SEZ6L: variants seen among roughly 807,000 people sequenced by gnomAD.
The protein encoded by SEZ6L is seizure related 6 homolog like.
In SEZ6L, 37 loss-of-function variants were observed where a neutral mutation model predicts 106.2. The ratio of observed to expected loss-of-function variants is 0.35; its 90% CI spans 0.27 to 0.46. SEZ6L has a LOEUF of 0.46. SEZ6L is among the 20% of genes least tolerant of loss of function. The pLI is 1.00. For synonymous variants in SEZ6L, 541 were observed against 570.4 expected (o/e 0.95, Z 0.73); for missense variants, 1,172 against 1,332.8 (o/e 0.88, Z 1.88).
At chr22:26,206,081 C>G (rs79459017) in intron 1 of SEZ6L, among the ~76,000 whole-genome samples, 1 of 152,238 alleles carries the variant, frequency 6.6e-6, no homozygotes, top group African/African-American at 2.4e-5. Flanking sequence ...AACTCCTTCA[C>G]TCTACAAACA....
intron 13 of SEZ6L, among the ~76,000 whole-genome samples, 178 bp downstream of exon 13, chr22:26,365,744 C>G (rs542592223): frequency 6.6e-6 from 1 of 151,954 alleles, no homozygotes; most frequent in African/African-American, 2.4e-5. Flanking sequence ...CATGGCGGCA[C>G]ACACCTGTAG....
chr22:26,374,504 GTC>G (rs2084151019), intron 14 of SEZ6L, among the ~76,000 whole-genome samples: 1 of 152,206 alleles, frequency 6.6e-6, no homozygotes, highest in Non-Finnish European at 1.5e-5. Flanking sequence ...CTTCGTGTTA[GTC>G]TCCATTCAGA....
At chr22:26,256,267 A>C (rs2145806770) in intron 1 of SEZ6L, among the ~76,000 whole-genome samples, 1 of 152,314 alleles carries the variant, frequency 6.6e-6, no homozygotes, top group East Asian at 1.9e-4. Context: ...ATAACAAAGG[A>C]ATATGGGTAC....
chr22:26,314,190 G>A (rs1287598025), intron 9 of SEZ6L, among the ~76,000 whole-genome samples: 5 of 151,976 alleles, frequency 3.3e-5, no homozygotes, highest in Non-Finnish European at 7.4e-5. Flanking sequence ...ACAAATAATT[G>A]CATACTCTAA....
chr22:26,366,590 C>T (rs1442779099), intron 13 of SEZ6L, among the ~76,000 whole-genome samples: 1 of 151,950 alleles, frequency 6.6e-6, no homozygotes, highest in East Asian at 1.9e-4. Context: ...TGCCTGTAGT[C>T]CCAGCTACTT....
intron 1 of SEZ6L, among the ~76,000 whole-genome samples, chr22:26,204,220 A>C (rs1367474317): frequency 6.6e-6 from 1 of 152,208 alleles, no homozygotes; most frequent in East Asian, 1.9e-4. Flanking sequence ...AGAAAGGTAC[A>C]ATACAGACAT....
chr22:26,355,198 G>A (rs557065155), intron 12 of SEZ6L, among the ~76,000 whole-genome samples: 3 of 152,344 alleles, frequency 2.0e-5, no homozygotes, highest in Admixed American at 6.5e-5. Context: ...CACGGAAATC[G>A]CACAGGTGAA....
intron 1 of SEZ6L, among the ~76,000 whole-genome samples, chr22:26,243,266 A>G (rs2079199798): frequency 6.6e-6 from 1 of 152,234 alleles, no homozygotes; most frequent in Admixed American, 6.5e-5. Context: ...AATTTGACCC[A>G]CCACAAGGAT....
intron 1 of SEZ6L, among the ~76,000 whole-genome samples, chr22:26,250,128 CTGTTGAT>C (rs542510678): frequency 1.2e-4 from 18 of 152,146 alleles, no homozygotes; most frequent in Non-Finnish European, 2.2e-4. Context: ...TCTCTTCACT[CTGTTGAT>C]TGTTTTCTTT....
chr22:26,267,896 C>T (rs2080241008), intron 1 of SEZ6L, among the ~76,000 whole-genome samples: 1 of 152,140 alleles, frequency 6.6e-6, no homozygotes, highest in African/African-American at 2.4e-5. Flanking sequence ...TCAGGATGTG[C>T]TGAAGACCAA....
chr22:26,191,026 C>T (rs531863986), intron 1 of SEZ6L, among the ~76,000 whole-genome samples: 10 of 152,216 alleles, frequency 6.6e-5, no homozygotes, highest in African/African-American at 2.2e-4. Flanking sequence ...GAAAAAGATA[C>T]GGGGTGTGGC....
rs367558456 is a variant in SEZ6L at position 26,293,098 on chromosome 22, A to G, written c.787A>G (p.Thr263Ala). Residue 263 changes from threonine (T) to alanine (A), a missense_variant, in exon 2 of 17, where the codon ACC becomes GCC. Thr to Ala is a moderately conservative substitution (Grantham distance 58). This residue lies in a region of SEZ6L where 494 missense variants were observed against 445.8 expected (regional missense o/e 1.11). Coordinates refer to ENST00000248933, the MANE Select transcript of SEZ6L (RefSeq NM_021115.5). ...SASEESQETT[T>A]STIITTTVIT... The stretch of plus-strand genomic sequence containing the variant: ...CTCAGAGGAGAGCCAGGAGACCACT[A>G]CCTCCACCATTATCACCACCACGGT... The G allele has an allele frequency of 4.4e-5, 71 of 1,601,912 alleles. No homozygotes were observed. Among genetic ancestry groups the G allele is most frequent in the Non-Finnish European group, 5.8e-5 (68 of 1,177,330 alleles).
At chr22:26,198,669 A>T (rs991331081) in intron 1 of SEZ6L, among the ~76,000 whole-genome samples, 2 of 152,234 alleles carry the variant, frequency 1.3e-5, no homozygotes, top group Non-Finnish European at 2.9e-5. Context: ...AGAGAGGATG[A>T]ACACTGTGGC....
chr22:26,305,820 G>A (rs2081610712), intron 5 of SEZ6L, among the ~76,000 whole-genome samples, 159 bp from the exon 6 acceptor site: 1 of 152,138 alleles, frequency 6.6e-6, no homozygotes, highest in Admixed American at 6.5e-5. Flanking sequence ...CCCGCTCCAG[G>A]TCTCTGATGT....
chr22:26,253,565 T>G (rs959327872), intron 1 of SEZ6L, among the ~76,000 whole-genome samples: 1 of 152,226 alleles, frequency 6.6e-6, no homozygotes, highest in African/African-American at 2.4e-5. Flanking sequence ...TTGTACAAAA[T>G]AGATGCCCAG....
intron 16 of SEZ6L, among the ~76,000 whole-genome samples, chr22:26,378,192 A>G (rs866890321): frequency 3.3e-5 from 5 of 152,228 alleles, no homozygotes; most frequent in East Asian, 1.9e-4. Context: ...ATGAACCCCA[A>G]TAGACACAGA....
intron 1 of SEZ6L, among the ~76,000 whole-genome samples, chr22:26,240,072 ACACACACACACACACACACT>A (rs1218243771): frequency 3.0e-5 from 4 of 134,168 alleles, no homozygotes; most frequent in African/African-American, 1.3e-4. Flanking sequence ...ATACAGACAC[ACACACACACACACACACACT>A]CACACACACA....
intron 8 of SEZ6L, among the ~76,000 whole-genome samples, chr22:26,313,111 G>A (rs1442649311): frequency 2.0e-5 from 3 of 152,250 alleles, no homozygotes; most frequent in South Asian, 2.1e-4. Context: ...TAAACACAGA[G>A]TAGAATTTAA....
At chr22:26,277,444 A>G (rs1263959369) in intron 1 of SEZ6L, among the ~76,000 whole-genome samples, 1 of 152,238 alleles carries the variant, frequency 6.6e-6, no homozygotes, top group Non-Finnish European at 1.5e-5. Flanking sequence ...ACCGTGGCAT[A>G]TGCCAGAAAA....
Sources: allele counts gnomAD v4.1 joint callset (sites outside exome capture counted in the v4.1 genomes callset), GRCh38; gene constraint gnomAD v4.1.1; regional missense constraint gnomAD v4.1.1; transcripts MANE v1.5; gene names NCBI Gene and HGNC (gene_info 2026-07-23, HGNC 2026-07-21).